FRMPD1: variants seen among roughly 807,000 people sequenced by gnomAD.
The protein encoded by FRMPD1 is FERM and PDZ domain-containing protein 1.
FRMPD1 carries 76 observed loss-of-function variants against 117.8 expected under a neutral mutation model. That is an observed-to-expected ratio of 0.65 (90% CI 0.54 to 0.78). The LOEUF is 0.78. FRMPD1 is among the 30% of genes least tolerant of loss of function. The pLI, the probability that FRMPD1 is intolerant of heterozygous loss-of-function variation, is 0.00. For synonymous variants in FRMPD1, 783 were observed against 770.4 expected, an observed-to-expected ratio of 1.02 and a Z score of -0.27; for missense variants, 1,786 against 1,964.5, an observed-to-expected ratio of 0.91 and a Z score of 1.72.
the FRMPD1 span, among the ~76,000 whole-genome samples, chr9:37,607,684 T>C: frequency 6.6e-6 from 1 of 152,208 alleles, no homozygotes; most frequent in African/African-American, 2.4e-5. Flanking sequence ...TAATAGGTAG[T>C]TATTGAGCAT....
At chr9:37,612,343 G>C in the FRMPD1 span, among the ~76,000 whole-genome samples, 2 of 141,464 alleles carry the variant, frequency 1.4e-5, no homozygotes, top group Non-Finnish European at 3.1e-5. Context: ...GTTTGTTTTT[G>C]CTTTTGTTTT....
chr9:37,650,442 G>A (rs1206499448), upstream of FRMPD1, among the ~76,000 whole-genome samples: 2 of 152,188 alleles, frequency 1.3e-5, no homozygotes, highest in Admixed American at 1.3e-4. Context: ...AGAGACAGGG[G>A]AGGTGGTCCA....
the FRMPD1 span, among the ~76,000 whole-genome samples, chr9:37,627,061 C>G: frequency 2.7e-5 from 4 of 146,140 alleles, no homozygotes; most frequent in Non-Finnish European, 6.1e-5. Flanking sequence ...TCTTTGCTGA[C>G]TCAGGTTTTC....
At chr9:37,664,922 T>C (rs1452079203) in intron 1 of FRMPD1, among the ~76,000 whole-genome samples, 1 of 152,208 alleles carries the variant, frequency 6.6e-6, no homozygotes, top group African/African-American at 2.4e-5. Flanking sequence ...AAAACTTGTA[T>C]AGTCTTTCAC....
At chr9:37,610,920 A>G in the FRMPD1 span, among the ~76,000 whole-genome samples, 4 of 152,242 alleles carry the variant, frequency 2.6e-5, no homozygotes, top group South Asian at 4.1e-4. Context: ...TTTTTAAACA[A>G]AGATACATTG....
intron 4 of FRMPD1, among the ~76,000 whole-genome samples, chr9:37,709,240 C>T (rs10511943): frequency 0.19 from 28,696 of 151,352 alleles, 3,152 homozygotes; most frequent in Non-Finnish European, 0.25. Context: ...TAAAGACAGA[C>T]GAGAATCAGA....
chr9:37,695,152 A>C (rs1301898703), intron 2 of FRMPD1, among the ~76,000 whole-genome samples: 1 of 152,182 alleles, frequency 6.6e-6, no homozygotes, highest in Non-Finnish European at 1.5e-5. Context: ...ACATATTTTC[A>C]GTTCTCCTGA....
At chr9:37,652,602 A>T (rs1820712279) in intron 1 of FRMPD1, among the ~76,000 whole-genome samples, 3 of 152,184 alleles carry the variant, frequency 2.0e-5, no homozygotes, top group Admixed American at 2.0e-4. Flanking sequence ...ACCAGAGCAG[A>T]GTTGTGGTAC....
chr9:37,724,651 T>G (rs1245624847), intron 7 of FRMPD1, among the ~76,000 whole-genome samples: 2 of 152,198 alleles, frequency 1.3e-5, no homozygotes, highest in Non-Finnish European at 2.9e-5. Context: ...TGACTCTACC[T>G]GCTACGCCAA....
At chr9:37,716,031 G>A (rs1823105418) in intron 5 of FRMPD1, among the ~76,000 whole-genome samples, 2 of 152,182 alleles carry the variant, frequency 1.3e-5, no homozygotes, top group African/African-American at 4.8e-5. Flanking sequence ...TTCGGGACAA[G>A]AGTCCAATTT....
intron 1 of FRMPD1, among the ~76,000 whole-genome samples, chr9:37,653,421 G>A (rs1365308399): frequency 1.3e-5 from 2 of 152,206 alleles, no homozygotes; most frequent in East Asian, 3.8e-4. Flanking sequence ...GCAGCAGAGA[G>A]TTCTTGTGAC....
rs1199658372 is a variant in FRMPD1 at position 37,740,781 on chromosome 9, G to A, written c.2253G>A (p.Leu751=). The A allele has an allele frequency of 1.2e-6, 2 of 1,613,994 alleles. No homozygotes were observed. The highest frequency in any genetic ancestry group is 1.7e-5 in the Admixed American group (1 of 60,006). ...GWTEAQPSSM[L]EPLALHPPLA... is the part of the protein sequence containing the mutation. ...CTGAGGCCCAGCCCAGTTCCATGCTGGAACCCCTGGCCCTGCACCCACCAC... is the reference window on the plus strand; with the variant it reads ...CTGAGGCCCAGCCCAGTTCCATGCTAGAACCCCTGGCCCTGCACCCACCAC... The change falls in exon 15 of 16, where the codon CTG becomes CTA. Residue 751 remains leucine, a synonymous_variant. Coordinates refer to ENST00000377765, the MANE Select transcript of FRMPD1 (RefSeq NM_014907.3). The surrounding 1 kb of genome is among the most constrained non-coding windows in gnomAD (Gnocchi z 4.2).
the FRMPD1 span, among the ~76,000 whole-genome samples, chr9:37,632,545 C>T: frequency 1.3e-5 from 2 of 152,194 alleles, no homozygotes; most frequent in Non-Finnish European, 2.9e-5. Context: ...TATTCGCAGG[C>T]AGGCTCTCTC....
intron 15 of FRMPD1, among the ~76,000 whole-genome samples, chr9:37,741,585 C>G (rs1296589062): frequency 6.6e-6 from 1 of 152,156 alleles, no homozygotes; most frequent in Non-Finnish European, 1.5e-5. Context: ...GTTCCTGTCT[C>G]GGCACTTTCC....
intron 5 of FRMPD1, among the ~76,000 whole-genome samples, chr9:37,714,940 G>T (rs750894639): frequency 1.3e-5 from 2 of 152,104 alleles, no homozygotes; most frequent in African/African-American, 2.4e-5. Flanking sequence ...GAGTCACTGC[G>T]CCTGGCCCTG....
intron 1 of FRMPD1, among the ~76,000 whole-genome samples, chr9:37,677,141 A>C (rs892983742): frequency 6.6e-6 from 1 of 152,206 alleles, no homozygotes; most frequent in African/African-American, 2.4e-5. Flanking sequence ...GCCAGCAACA[A>C]GTCTATGAAA....
At chr9:37,699,223 G>T in intron 2 of FRMPD1, among the ~76,000 whole-genome samples, 1 of 151,418 alleles carries the variant, frequency 6.6e-6, no homozygotes, top group East Asian at 1.9e-4. Context: ...AGTGCTTTTA[G>T]TCTTACCCAC....
chr9:37,736,404 G>A (rs904058357), intron 13 of FRMPD1, among the ~76,000 whole-genome samples: 46 of 151,612 alleles, frequency 3.0e-4, no homozygotes, highest in Admixed American at 9.2e-4. Flanking sequence ...GGTGGCTCAC[G>A]CTTGTAATCC....
At chr9:37,637,307 G>A in the FRMPD1 span, 1 of 1,304,942 alleles carries the variant, frequency 7.7e-7, no homozygotes, top group Admixed American at 1.7e-5. Context: ...GGCGGCGGAA[G>A]CCCGCTCAGT....
Sources: allele counts gnomAD v4.1 joint callset (sites outside exome capture counted in the v4.1 genomes callset), GRCh38; gene constraint gnomAD v4.1.1; non-coding constraint Gnocchi (gnomAD v3.1); transcripts MANE v1.5; gene names NCBI Gene and HGNC (gene_info 2026-07-23, HGNC 2026-07-21).